AASS: variants seen among roughly 807,000 people sequenced by gnomAD.
The protein encoded by AASS is alpha-aminoadipic semialdehyde synthase, mitochondrial.
A neutral mutation model predicts 105.4 loss-of-function variants in AASS; 86 were observed. That is an observed-to-expected ratio of 0.82 (90% CI 0.69 to 0.98). The LOEUF is 0.98. AASS is among the 50% of genes least tolerant of loss of function. The pLI is 0.00. For synonymous variants in AASS, 381 were observed against 394.8 expected (o/e 0.96, Z 0.41); for missense variants, 1,048 against 1,143.2 (o/e 0.92, Z 1.20).
chr7:122,106,958 C>G (rs1480989833), intron 11 of AASS, among the ~76,000 whole-genome samples: 1 of 152,040 alleles, frequency 6.6e-6, no homozygotes, highest in Non-Finnish European at 1.5e-5. Context: ...AGTAAACAAT[C>G]TACAGAATGG....
In AASS at chr7:122,077,855, G is replaced by C. The variant is rs1278978854; in HGVS notation, c.2645C>G (p.Ala882Gly). 1.9e-6 allele frequency: 3 copies of C among 1,614,046 alleles called. No homozygotes were observed. The highest frequency in any genetic ancestry group is 2.7e-5 in the African/African-American group (2 of 74,916). ...KTVGLPTAMA[A>G]KMLLDGEIGA... The stretch of plus-strand genomic sequence containing the variant: ...AGACTTACCATCAAGCAACATTTTG[G>C]CTGCCATGGCGGTGGGTAACCCCAC... The change falls in exon 23 of 24, where the codon GCC (alanine) becomes GGC (glycine). Residue 882 changes from alanine (A) to glycine (G), a missense_variant. Transcript: ENST00000417368.
chr7:122,115,462 A>AT (rs1795122777), intron 8 of AASS, among the ~76,000 whole-genome samples: 1 of 152,182 alleles, frequency 6.6e-6, no homozygotes, highest in South Asian at 2.1e-4. Flanking sequence ...TAGTGTGTTC[A>AT]TTCTATAATG....
chr7:122,092,701 G>A (rs1040023551), intron 17 of AASS, 142 bp downstream of exon 17: 22 of 725,534 alleles, frequency 3.0e-5, no homozygotes, highest in African/African-American at 2.3e-4. Context: ...TCCAGCCTGG[G>A]CAACAAGAGC....
Position 122,098,498 on chromosome 7 carries a change from T to C in AASS, c.1607A>G (p.Gln536Arg). Residue 536 changes from glutamine to arginine, a missense_variant, in exon 15 of 24, where the codon CAA becomes CGA. Transcript: ENST00000417368. ...INPVSMDICK[Q>R]EEKLGFLVAK... ...CACCAAGAAGCCCAGCTTCTCTTCT[T>C]GTTTACAAATGTCCATGCTAACAGG... The C allele has an allele frequency of 6.2e-7, 1 of 1,612,164 alleles. No individual in the cohort carries two copies. The highest frequency in any genetic ancestry group is 1.1e-5 in the South Asian group (1 of 91,038).
Position 122,126,462 on chromosome 7 carries a change from GAA to G in AASS, c.388-5_388-4del. On this transcript the variant is annotated splice_region_variant and splice_polypyrimidine_tract_variant and intron_variant, in intron 3 of 23. Coordinates refer to ENST00000417368, the MANE Select transcript of AASS (RefSeq NM_005763.4). Reference sequence around the variant, plus strand: ...TCATAATCAATAAGGCGAATTTCCTGAAAAGAGGATAAAAAAATTTCAACTGG... The same window carrying G: ...TCATAATCAATAAGGCGAATTTCCTGAAGAGGATAAAAAAATTTCAACTGG... The G allele has an allele frequency of 6.2e-7, 1 of 1,613,088 alleles. No homozygotes were observed. The highest frequency in any genetic ancestry group is 2.2e-5 in the East Asian group (1 of 44,844).
At chr7:122,094,773 G>A (rs1029187162) in intron 15 of AASS, among the ~76,000 whole-genome samples, 8 of 151,414 alleles carry the variant, frequency 5.3e-5, no homozygotes, top group African/African-American at 1.9e-4. Flanking sequence ...TGGATTTTTA[G>A]CCATTCTGAT....
At chr7:122,076,852 C>T (rs763632761) in intron 23 of AASS, among the ~76,000 whole-genome samples, 11 of 152,200 alleles carry the variant, frequency 7.2e-5, no homozygotes, top group Non-Finnish European at 1.0e-4. Context: ...AGAACTTGTA[C>T]ACTTAACTGC....
At chr7:122,100,518 C>G (rs188778004) in intron 13 of AASS, among the ~76,000 whole-genome samples, 1 of 151,820 alleles carries the variant, frequency 6.6e-6, no homozygotes, top group Admixed American at 6.6e-5. Flanking sequence ...AACTATAGTA[C>G]GCTTGATCTG....
intron 3 of AASS, among the ~76,000 whole-genome samples, chr7:122,126,691 C>T (rs776121605): frequency 6.6e-6 from 1 of 152,094 alleles, no homozygotes; most frequent in Non-Finnish European, 1.5e-5. Context: ...TGCTATACCC[C>T]CCTTGATGGT....
intron 11 of AASS, among the ~76,000 whole-genome samples, chr7:122,108,204 C>G (rs1274837737): frequency 1.3e-5 from 2 of 151,916 alleles, no homozygotes; most frequent in African/African-American, 4.8e-5. Context: ...AAAGACTAGC[C>G]CAGGGCCTGA....
At chr7:122,141,836 A>G (rs934951996) in intron 1 of AASS, among the ~76,000 whole-genome samples, 2 of 152,180 alleles carry the variant, frequency 1.3e-5, no homozygotes, top group African/African-American at 4.8e-5. Context: ...CAAAAATATA[A>G]TACTAAAGTC....
At chr7:122,131,982 C>T (rs1795938510) in intron 2 of AASS, among the ~76,000 whole-genome samples, 1 of 152,046 alleles carries the variant, frequency 6.6e-6, no homozygotes, top group Non-Finnish European at 1.5e-5. Flanking sequence ...GAAAAAGGTC[C>T]ATGCTTCCAA....
At chr7:122,081,286 G>T (rs1428631992) in intron 20 of AASS, among the ~76,000 whole-genome samples, 15 of 152,132 alleles carry the variant, frequency 9.9e-5, no homozygotes, top group Admixed American at 9.8e-4. Flanking sequence ...GGTATAAGTT[G>T]CTGCGGGAAA....
intron 3 of AASS, among the ~76,000 whole-genome samples, chr7:122,127,454 G>T (rs1395491676): frequency 2.6e-5 from 4 of 151,440 alleles, no homozygotes; most frequent in African/African-American, 4.9e-5. Context: ...AGCCCTGTTA[G>T]GTCAGTTTTT....
intron 17 of AASS, 87 bp downstream of exon 17, chr7:122,092,756 G>A: frequency 6.3e-6 from 7 of 1,105,384 alleles, no homozygotes; most frequent in Non-Finnish European, 9.7e-6. Flanking sequence ...TTGATTAAAG[G>A]TGTTGCTATA....
rs1344898653 is a variant in AASS, at chr7:122,074,926, T to A, written c.*1563A>T. The stretch of plus-strand genomic sequence containing the variant: ...CCAGGCTGGATTGCAGTGACCCAGT[T>A]ATAGCTCATTGCAGCTTCGAACTTT... On this transcript the variant is annotated 3_prime_UTR_variant, in exon 24 of 24. Coordinates refer to ENST00000417368, the MANE Select transcript of AASS (RefSeq NM_005763.4). Among the ~76,000 whole-genome samples, 1 of 152,126 alleles carries A rather than the reference T, an allele frequency of 6.6e-6. No homozygotes were observed. The highest frequency in any genetic ancestry group is 2.4e-5 in the African/African-American group (1 of 41,416).
At position 122,113,597 on chromosome 7, in the gene AASS, C is replaced by T. The variant is rs777070121; in HGVS notation, c.1166+1G>A. The T allele has an allele frequency of 6.2e-7, 1 of 1,613,406 alleles. No individual in the cohort carries two copies. The highest frequency in any genetic ancestry group is 8.5e-7 in the Non-Finnish European group (1 of 1,179,912). On this transcript the variant is annotated splice_donor_variant, in intron 10 of 23. Coordinates refer to ENST00000417368, the MANE Select transcript of AASS (RefSeq NM_005763.4). LOFTEE classifies it high-confidence loss of function. Reference sequence around the variant, plus strand: ...TCATCTAACAACTTTAGCAAACTCACCTGTCATGAATAATATGCTGGTCTG... The same window carrying T: ...TCATCTAACAACTTTAGCAAACTCATCTGTCATGAATAATATGCTGGTCTG...
At chr7:122,128,412 A>T (rs1438254218) in intron 3 of AASS, among the ~76,000 whole-genome samples, 2 of 152,112 alleles carry the variant, frequency 1.3e-5, no homozygotes, top group African/African-American at 4.8e-5. Flanking sequence ...CCTCCTTTAG[A>T]TTGTTGCTCA....
Position 122,076,004 on chromosome 7 carries a change from C to G in AASS, c.*485G>C. 1 of 156,250 alleles carries G rather than the reference C, an allele frequency of 6.4e-6. No individual in the cohort carries two copies. The highest frequency in any genetic ancestry group is 1.4e-5 in the Non-Finnish European group (1 of 70,536). 9.7% of individuals were successfully genotyped at this position (156,250 alleles called of 1,614,324 possible). A position where few individuals can be genotyped will look rare whatever the true frequency, so the allele number is the denominator to read the frequency against. On this transcript the variant is annotated 3_prime_UTR_variant, in exon 24 of 24. Transcript: ENST00000417368. ...TGGCTAACATGGTGAAACCCCGTCT[C>G]TACTGAAAAATACAAAAAATTTAGC...
Sources: allele counts gnomAD v4.1 joint callset (sites outside exome capture counted in the v4.1 genomes callset), GRCh38; gene constraint gnomAD v4.1.1; transcripts MANE v1.5; gene names NCBI Gene and HGNC (gene_info 2026-07-23, HGNC 2026-07-21).